SPOCK3: variants seen among roughly 807,000 people sequenced by gnomAD.
The protein encoded by SPOCK3 is SPARC (osteonectin), cwcv and kazal like domains proteoglycan 3.
A neutral mutation model predicts 56.6 loss-of-function variants in SPOCK3; 30 were observed. The observed-to-expected ratio is 0.53, with a 90% CI of 0.40 to 0.72. SPOCK3 has a LOEUF of 0.72. SPOCK3 is among the 30% of genes least tolerant of loss of function. The pLI is 0.00. For missense variants in SPOCK3, 527 were observed against 530.0 expected (o/e 0.99, Z 0.06); for synonymous variants, 196 against 183.3 (o/e 1.07, Z -0.56).
At chr4:166,919,640 C>A (rs1159022592) in intron 4 of SPOCK3, among the ~76,000 whole-genome samples, 3 of 152,138 alleles carry the variant, frequency 2.0e-5, no homozygotes, top group African/African-American at 7.2e-5. Flanking sequence ...TTACTAAAAA[C>A]CCCTTCATTT....
intron 2 of SPOCK3, 188 bp from the exon 3 acceptor site, chr4:167,062,725 C>A: frequency 3.7e-6 from 2 of 543,144 alleles, no homozygotes; most frequent in South Asian, 3.1e-5. Context: ...GAATAGTTAT[C>A]AAAAAGGAAC....
At chr4:166,839,482 GAA>G (rs1747002696) in intron 6 of SPOCK3, among the ~76,000 whole-genome samples, 1 of 152,098 alleles carries the variant, frequency 6.6e-6, no homozygotes, top group African/African-American at 2.4e-5. Context: ...CAGGGTAAGA[GAA>G]GAGGGCAAAA....
chr4:166,987,621 A>C (rs1747310841), intron 4 of SPOCK3, among the ~76,000 whole-genome samples: 2 of 152,236 alleles, frequency 1.3e-5, no homozygotes, highest in African/African-American at 4.8e-5. Context: ...TGAATGCAAT[A>C]GAAATCTCAA....
intron 2 of SPOCK3, among the ~76,000 whole-genome samples, chr4:167,073,191 T>A (rs887203543): frequency 6.6e-6 from 1 of 151,718 alleles, no homozygotes; most frequent in Admixed American, 6.6e-5. Flanking sequence ...TAATTTTAAA[T>A]CATCTATAAT....
At chr4:167,106,383 A>T (rs907413103) in intron 2 of SPOCK3, among the ~76,000 whole-genome samples, 2 of 152,010 alleles carry the variant, frequency 1.3e-5, no homozygotes, top group African/African-American at 4.8e-5. Flanking sequence ...CTCCTTAATG[A>T]CCATTGTGTC....
chr4:166,965,693 T>G (rs1744661285), intron 4 of SPOCK3, among the ~76,000 whole-genome samples: 2 of 152,064 alleles, frequency 1.3e-5, no homozygotes, highest in African/African-American at 4.8e-5. Context: ...GGTTTATTTT[T>G]TAAAGCTGCT....
intron 2 of SPOCK3, among the ~76,000 whole-genome samples, chr4:167,201,284 A>T (rs550003378): frequency 1.3e-5 from 2 of 152,156 alleles, no homozygotes; most frequent in African/African-American, 4.8e-5. Flanking sequence ...TAAAATTATG[A>T]TGGATTAAAA....
At chr4:167,043,513 A>G (rs1430443343) in intron 3 of SPOCK3, among the ~76,000 whole-genome samples, 1 of 152,030 alleles carries the variant, frequency 6.6e-6, no homozygotes, top group South Asian at 2.1e-4. Context: ...GTGAAAAGGA[A>G]CATTCTTATT....
intron 2 of SPOCK3, among the ~76,000 whole-genome samples, chr4:167,215,692 G>A (rs1735290936): frequency 6.6e-6 from 1 of 152,076 alleles, no homozygotes; most frequent in African/African-American, 2.4e-5. Flanking sequence ...TTTGGATTTG[G>A]GAATAGGAAA....
intron 8 of SPOCK3, among the ~76,000 whole-genome samples, chr4:166,752,571 T>TACACAC (rs1491363175): frequency 2.3e-4 from 3 of 13,308 alleles, no homozygotes; most frequent in African/African-American, 8.1e-4. Flanking sequence ...TATATATATA[T>TACACAC]ATACACACAC....
At chr4:167,107,262 T>G (rs1283840772) in intron 2 of SPOCK3, among the ~76,000 whole-genome samples, 1 of 151,778 alleles carries the variant, frequency 6.6e-6, no homozygotes, top group Non-Finnish European at 1.5e-5. Flanking sequence ...AACAAAATAT[T>G]AGCAAGCCGA....
chr4:167,108,872 G>A (rs1039900851), intron 2 of SPOCK3, among the ~76,000 whole-genome samples: 48 of 144,310 alleles, frequency 3.3e-4, no homozygotes, highest in African/African-American at 1.2e-3. Context: ...TTACTCTGAT[G>A]TGATTATTTT....
Position 166,765,504 on chromosome 4 carries a change from T to C in SPOCK3, c.710-10775A>G, listed in dbSNP as rs1737886856. ...CAAAGATCAGATGGTTGTAGATGTG[T>C]GGTATTATTTCTGAGGGCTCTGTTC... On this transcript the variant is annotated intron_variant, in intron 7 of 10. Transcript: ENST00000357545. Among the ~76,000 whole-genome samples the C allele has an allele frequency of 1.3e-5, 2 of 152,206 alleles. 1 individual carries two copies. Among genetic ancestry groups the C allele is most frequent in the Middle Eastern group, 6.8e-3 (2 of 294 alleles).
At chr4:166,860,724 T>C (rs2126906237) in intron 6 of SPOCK3, among the ~76,000 whole-genome samples, 1 of 147,582 alleles carries the variant, frequency 6.8e-6, no homozygotes, top group Middle Eastern at 3.5e-3. Flanking sequence ...GGGAAGAGAC[T>C]GGAGGTGTTT....
intron 7 of SPOCK3, among the ~76,000 whole-genome samples, chr4:166,763,194 G>C (rs552166491): frequency 3.3e-4 from 50 of 151,848 alleles, no homozygotes; most frequent in African/African-American, 1.2e-3. Context: ...TCTGCACAGA[G>C]GAACAGAGAT....
intron 4 of SPOCK3, among the ~76,000 whole-genome samples, chr4:166,916,480 T>G (rs570264693): frequency 6.6e-6 from 1 of 152,304 alleles, no homozygotes; most frequent in Non-Finnish European, 1.5e-5. Flanking sequence ...TCCTAATAAC[T>G]ATAATGTTAA....
At chr4:167,043,318 C>G (rs1753399329) in intron 3 of SPOCK3, among the ~76,000 whole-genome samples, 1 of 152,042 alleles carries the variant, frequency 6.6e-6, no homozygotes, top group African/African-American at 2.4e-5. Context: ...TATGATAGCT[C>G]TGTATTCTGC....
At chr4:166,805,039 T>C (rs953761819) in intron 6 of SPOCK3, among the ~76,000 whole-genome samples, 1 of 152,176 alleles carries the variant, frequency 6.6e-6, no homozygotes, top group Non-Finnish European at 1.5e-5. Context: ...CAACACTTTC[T>C]TTTTTCATTA....
chr4:166,782,808 T>G (rs1203095989), intron 7 of SPOCK3, among the ~76,000 whole-genome samples: 1 of 152,178 alleles, frequency 6.6e-6, no homozygotes. Context: ...AAGATTTAAG[T>G]GCAAAAAATA....
Sources: gnomAD v4.1 joint callset for allele counts (sites outside exome capture counted in the v4.1 genomes callset) on GRCh38, gnomAD v4.1.1 for gene constraint, MANE v1.5 for transcripts, NCBI Gene and HGNC (gene_info 2026-07-23, HGNC 2026-07-21) for gene names.